SPEF2: variants seen among roughly 807,000 people sequenced by gnomAD.
The protein encoded by SPEF2 is sperm flagellar and cilia associated 2.
In SPEF2, 187 loss-of-function variants were observed where a neutral mutation model predicts 224.6. The ratio of observed to expected loss-of-function variants is 0.83; its 90% CI spans 0.74 to 0.94. SPEF2 has a LOEUF of 0.94. SPEF2 is among the 40% of genes least tolerant of loss of function. The pLI, the probability that SPEF2 is intolerant of heterozygous loss-of-function variation, is 0.00. For synonymous variants in SPEF2, 715 were observed against 707.3 expected (o/e 1.01, Z -0.17); for missense variants, 2,170 against 2,135.6 (o/e 1.02, Z -0.32).
At chr5:35,748,883 A>G (rs958424832) in intron 23 of SPEF2, among the ~76,000 whole-genome samples, 31 of 152,164 alleles carry the variant, frequency 2.0e-4, no homozygotes, top group African/African-American at 7.0e-4. Context: ...ATAACCAAAA[A>G]AGAAAATTAC....
At chr5:35,802,488 A>C (rs1255980997) in intron 34 of SPEF2, among the ~76,000 whole-genome samples, 1 of 152,164 alleles carries the variant, frequency 6.6e-6, no homozygotes, top group Admixed American at 6.5e-5. Flanking sequence ...CAAATAAGCA[A>C]AACAGAGACT....
chr5:35,658,281 C>G (rs1331560070), intron 7 of SPEF2, among the ~76,000 whole-genome samples: 1 of 152,176 alleles, frequency 6.6e-6, no homozygotes, highest in Non-Finnish European at 1.5e-5. Flanking sequence ...GGTCACCTTT[C>G]TATTCTCCTC....
intron 18 of SPEF2, among the ~76,000 whole-genome samples, chr5:35,708,659 C>CCACTGTTATTAA (rs1291959929): frequency 4.7e-3 from 20 of 4,284 alleles, no homozygotes; most frequent in East Asian, 0.014. Flanking sequence ...TCCACCACCA[C>CCACTGTTATTAA]TACCACCAGC....
chr5:35,639,067 A>G (rs1746235898), intron 2 of SPEF2, among the ~76,000 whole-genome samples: 1 of 152,164 alleles, frequency 6.6e-6, no homozygotes, highest in Non-Finnish European at 1.5e-5. Context: ...GCCTTTTTAC[A>G]AGGAAAAAGG....
chr5:35,664,768 GAGAGAGAGAGAGAA>G (rs1750230313), intron 8 of SPEF2, among the ~76,000 whole-genome samples: 1 of 143,850 alleles, frequency 7.0e-6, no homozygotes, highest in African/African-American at 2.8e-5. Context: ...AAGGAGGAGA[GAGAGAGAGAGAGAA>G]AGAGGGAGGG....
At chr5:35,637,041 G>A (rs1453514580) in intron 2 of SPEF2, among the ~76,000 whole-genome samples, 4 of 151,884 alleles carry the variant, frequency 2.6e-5, no homozygotes, top group Admixed American at 2.6e-4. Flanking sequence ...GGACTTTGGA[G>A]GCGCTTCAAA....
At chr5:35,666,963 GT>G (rs2149471015) in intron 8 of SPEF2, 108 bp from the exon 9 acceptor site, 1 of 975,330 alleles carries the variant, frequency 1.0e-6, no homozygotes, top group African/African-American at 1.7e-5. Context: ...TTTTCCTGGT[GT>G]GAGAAGAGGT....
chr5:35,722,243 G>A (rs1427176393), intron 20 of SPEF2, among the ~76,000 whole-genome samples: 1 of 152,078 alleles, frequency 6.6e-6, no homozygotes, highest in East Asian at 1.9e-4. Context: ...CTTGTGGCTG[G>A]GAACCAGCCA....
At chr5:35,653,660 A>T (rs1329282581) in intron 6 of SPEF2, among the ~76,000 whole-genome samples, 1 of 152,168 alleles carries the variant, frequency 6.6e-6, no homozygotes, top group Non-Finnish European at 1.5e-5. Flanking sequence ...AATCATAAAA[A>T]GTAAGGCCGG....
At chr5:35,798,105 C>A (rs1756932765) in intron 33 of SPEF2, among the ~76,000 whole-genome samples, 1 of 152,132 alleles carries the variant, frequency 6.6e-6, no homozygotes, top group African/African-American at 2.4e-5. Context: ...CTGGAACAAG[C>A]CACAATCAGC....
intron 6 of SPEF2, among the ~76,000 whole-genome samples, chr5:35,651,981 A>G (rs1407655482): frequency 6.6e-6 from 1 of 152,140 alleles, no homozygotes; most frequent in Admixed American, 6.5e-5. Flanking sequence ...GGCTGCTGTA[A>G]TTTGGTATTT....
At chr5:35,724,379 T>C (rs2149644918) in intron 20 of SPEF2, among the ~76,000 whole-genome samples, 1 of 152,308 alleles carries the variant, frequency 6.6e-6, no homozygotes, top group Admixed American at 6.5e-5. Context: ...GACTGAAGTT[T>C]AAAAAATTTT....
At chr5:35,721,521 C>G (rs778528261) in intron 20 of SPEF2, among the ~76,000 whole-genome samples, 1 of 152,186 alleles carries the variant, frequency 6.6e-6, no homozygotes, top group Non-Finnish European at 1.5e-5. Flanking sequence ...ACCCAAAAAG[C>G]AGTCTGTAAC....
intron 11 of SPEF2, 68 bp downstream of exon 11, chr5:35,691,324 T>C (rs1228192602): frequency 8.1e-7 from 1 of 1,241,858 alleles, no homozygotes; most frequent in Middle Eastern, 2.1e-4. Flanking sequence ...TGCAAATGTC[T>C]ATGTGTATAA....
chr5:35,623,121 A>G (rs1240039478), intron 1 of SPEF2, among the ~76,000 whole-genome samples: 1 of 152,216 alleles, frequency 6.6e-6, no homozygotes, highest in Non-Finnish European at 1.5e-5. Context: ...AGAGGGTGCT[A>G]GAAATGACTT....
chr5:35,767,676 G>T (rs1019650223), intron 26 of SPEF2, among the ~76,000 whole-genome samples: 20 of 152,012 alleles, frequency 1.3e-4, no homozygotes, highest in Non-Finnish European at 2.5e-4. Flanking sequence ...GAAGATAGTA[G>T]ATTTATAGCC....
At chr5:35,696,292 A>G (rs767790009) in intron 14 of SPEF2, among the ~76,000 whole-genome samples, 1 of 152,134 alleles carries the variant, frequency 6.6e-6, no homozygotes, top group Non-Finnish European at 1.5e-5. Context: ...TATCTTTTGT[A>G]TTATATTTGA....
Position 35,667,156 on chromosome 5 carries a change from G to T in SPEF2, c.1252G>T (p.Ala418Ser). 1 of 1,612,604 alleles carries T rather than the reference G, an allele frequency of 6.2e-7. No individual in the cohort carries two copies. Among genetic ancestry groups the T allele is most frequent in the Non-Finnish European group, 8.5e-7 (1 of 1,179,438 alleles). Residue 418 changes from alanine (A) to serine (S), a missense_variant, in exon 9 of 37, where the codon GCT (alanine) becomes TCT (serine). Coordinates refer to ENST00000356031, the MANE Select transcript of SPEF2 (RefSeq NM_024867.4). ...RFHDQIAVERAQARYEKHYSV... is the reference protein window; with the variant it reads ...RFHDQIAVERSQARYEKHYSV... ...TCATGATCAGATTGCTGTGGAAAGA[G>T]CTCAAGCTCGTTATGAAAAGCATTA...
chr5:35,701,049 G>T (rs1277893203), intron 16 of SPEF2, among the ~76,000 whole-genome samples: 1 of 152,126 alleles, frequency 6.6e-6, no homozygotes, highest in African/African-American at 2.4e-5. Context: ...ACTTATGGAG[G>T]AGTGCTTTGT....
Sources: allele counts gnomAD v4.1 joint callset (sites outside exome capture counted in the v4.1 genomes callset), GRCh38; gene constraint gnomAD v4.1.1; transcripts MANE v1.5; gene names NCBI Gene and HGNC (gene_info 2026-07-23, HGNC 2026-07-21).